PCDHGA5: variants seen among roughly 807,000 people sequenced by gnomAD.
PCDHGA5 encodes the protein protocadherin gamma subfamily A, 5.
PCDHGA5 carries 36 observed loss-of-function variants against 56.7 expected under a neutral mutation model. That is an observed-to-expected ratio of 0.64 (90% confidence interval 0.49 to 0.84). The LOEUF (loss-of-function observed/expected upper bound fraction) is 0.84, where lower values mean the gene tolerates loss of function less well. Ranked by LOEUF, PCDHGA5 falls within the 40% of genes least tolerant of loss-of-function variation. The pLI is 0.00. For synonymous variants in PCDHGA5, 563 were observed against 520.2 expected, an observed-to-expected ratio of 1.08 and a Z score of -1.12; for missense variants, 1,305 against 1,201.5, an observed-to-expected ratio of 1.09 and a Z score of -1.27.
intron 1 of PCDHGA5, chr5:141,370,699 G>A (rs1767129462): frequency 6.2e-7 from 1 of 1,613,804 alleles, no homozygotes; most frequent in Non-Finnish European, 8.5e-7. Context: ...AAGTCGACGT[G>A]TGTTCTGGAA....
At position 141,450,006 on chromosome 5, in the gene PCDHGA5, C is replaced by CTAT. The variant is rs70988802; in HGVS notation, c.2422-44800_2422-44799insATT. ...CACATTGCATTTAGTTGCCATGTCT[C>CTAT]TTTTTTTTTTTTTTTTTTGAGACAG... On this transcript the variant is annotated intron_variant, in intron 1 of 3. Transcript: ENST00000518069. Among the ~76,000 whole-genome samples the CTAT allele has an allele frequency of 2.5e-4, 33 of 132,964 alleles. 6 individuals are homozygous for CTAT. Among genetic ancestry groups the CTAT allele is most frequent in the Non-Finnish European group, 2.9e-4 (18 of 62,916 alleles). The allele number at this position is 132,964 out of a possible 152,430, so 87.2% of individuals were successfully genotyped here. A position where few individuals can be genotyped will look rare whatever the true frequency, so the allele number is the denominator to read the frequency against.
intron 1 of PCDHGA5, among the ~76,000 whole-genome samples, chr5:141,494,328 G>T (rs1595238527): frequency 6.6e-6 from 1 of 152,200 alleles, no homozygotes; most frequent in Non-Finnish European, 1.5e-5. Flanking sequence ...CACCAAAAGG[G>T]TTACCAAGAA....
Position 141,443,030 on chromosome 5 carries a change from C to A in PCDHGA5, c.2422-51777C>A, listed in dbSNP as rs147317486. ...ATATGACTAATGGAAGTTGCCAGAC[C>A]TAAACTTTGAAAATTATTGTTCCAC... On this transcript the variant is annotated intron_variant, in intron 1 of 3. Transcript: ENST00000518069. Among the ~76,000 whole-genome samples, 31 of 152,290 alleles carry A rather than the reference C, an allele frequency of 2.0e-4. No individual in the cohort carries two copies. The East Asian group carries it at 3.5e-3, about 17-fold the overall frequency.
Position 141,375,274 on chromosome 5 carries a change from A to C in PCDHGA5, c.2421+8523A>C, listed in dbSNP as rs773661979. On this transcript the variant is annotated intron_variant, in intron 1 of 3. Transcript: ENST00000518069. ...GTCTCCCATTTGAATTGGAAAAATC[A>C]GTTGGCAATTATTATCGATTAGTGA... 9 of 1,613,898 alleles carry C rather than the reference A, an allele frequency of 5.6e-6. No individual in the cohort carries two copies. In the East Asian group the frequency reaches 2.0e-4, roughly 36 times the overall value.
intron 2 of PCDHGA5, among the ~76,000 whole-genome samples, chr5:141,500,189 TTTATTTATTTA>T (rs1562193895): frequency 9.9e-5 from 11 of 110,956 alleles, no homozygotes; most frequent in Middle Eastern, 4.3e-3. Flanking sequence ...TTTATTTTTA[TTTATTTATTTA>T]TTTATTTATT....
intron 1 of PCDHGA5, chr5:141,413,972 T>G: frequency 6.2e-7 from 1 of 1,613,420 alleles, no homozygotes; most frequent in Non-Finnish European, 8.5e-7. Context: ...ACTCAGCTGC[T>G]GACAGTCACA....
rs376415955 is a variant in PCDHGA5, at chr5:141,432,082, C to T, written c.2422-62725C>T. ...CCACGGAAACTCATATCTCGCTGAACGTGGCAGACACCAACGACAACCCGC... is the reference window on the plus strand; with the variant it reads ...CCACGGAAACTCATATCTCGCTGAATGTGGCAGACACCAACGACAACCCGC... On this transcript the variant is annotated intron_variant, in intron 1 of 3. Transcript: ENST00000518069. This position sits in a 1 kb window ranked among gnomAD's most constrained non-coding sequence, Gnocchi z 6.0. The T allele has an allele frequency of 3.1e-6, 5 of 1,614,184 alleles. No homozygotes were observed. Among genetic ancestry groups the T allele is most frequent in the Non-Finnish European group, 4.2e-6 (5 of 1,180,028 alleles).
chr5:141,422,275 A>G (rs367711513), intron 1 of PCDHGA5: 6 of 1,560,374 alleles, frequency 3.8e-6, no homozygotes, highest in East Asian at 2.2e-5. Flanking sequence ...AGAAATAACT[A>G]TCACCTCTTC....
At chr5:141,435,863 C>T (rs772361494) in intron 1 of PCDHGA5, among the ~76,000 whole-genome samples, 16 of 151,882 alleles carry the variant, frequency 1.1e-4, no homozygotes, top group Non-Finnish European at 2.2e-4. Context: ...TAGTTAAAAC[C>T]CAGAAAAGAG....
chr5:141,407,981 C>G, intron 1 of PCDHGA5: 4 of 770,010 alleles, frequency 5.2e-6, no homozygotes, highest in Non-Finnish European at 7.8e-6. Flanking sequence ...GCCGGGGATC[C>G]GTCAGCCTCT....
At chr5:141,460,034 C>T (rs1463167810) in intron 1 of PCDHGA5, among the ~76,000 whole-genome samples, 1 of 152,116 alleles carries the variant, frequency 6.6e-6, no homozygotes, top group African/African-American at 2.4e-5. Context: ...GCCGAGACTG[C>T]ACCACTGCAC....
intron 1 of PCDHGA5, among the ~76,000 whole-genome samples, chr5:141,462,993 T>A (rs1350208420): frequency 1.3e-5 from 2 of 152,164 alleles, no homozygotes; most frequent in African/African-American, 4.8e-5. Flanking sequence ...TTGGGCTAAT[T>A]TAGACCTACC....
intron 1 of PCDHGA5, chr5:141,383,722 G>C (rs752091789): frequency 1.2e-6 from 2 of 1,613,934 alleles, no homozygotes; most frequent in East Asian, 4.5e-5. Flanking sequence ...GGGAGTCAAT[G>C]GGGAAGTGAC....
rs1485520054 is a variant in PCDHGA5 at position 141,511,210 on chromosome 5, C to T, written c.*37C>T. 6.2e-7 allele frequency: 1 copy of T among 1,609,328 alleles called. No individual in the cohort carries two copies. The highest frequency in any genetic ancestry group is 1.3e-5 in the African/African-American group (1 of 74,896). ...GGCCAAGAGCCACAGGGCGGCCTCT[C>T]CCCAACCAGCCCAGCTTCTCCTTAC... On this transcript the variant is annotated 3_prime_UTR_variant, in exon 4 of 4. Transcript: ENST00000518069.
intron 1 of PCDHGA5, chr5:141,419,144 A>G: frequency 6.2e-7 from 1 of 1,613,940 alleles, no homozygotes; most frequent in South Asian, 1.1e-5. Context: ...AGACAGGGGC[A>G]AGCCTCCGTT....
At chr5:141,408,962 A>G (rs1561716536) in intron 1 of PCDHGA5, 3 of 1,613,638 alleles carry the variant, frequency 1.9e-6, no homozygotes, top group Admixed American at 3.3e-5. Flanking sequence ...TCTTAGTGAA[A>G]ATCTGCCCCC....
At chr5:141,382,430 T>A (rs984775517) in intron 1 of PCDHGA5, among the ~76,000 whole-genome samples, 10 of 152,106 alleles carry the variant, frequency 6.6e-5, no homozygotes, top group African/African-American at 2.4e-4. Context: ...CCCAAAAGAG[T>A]CACTTGAAAG....
At chr5:141,421,789 G>A (rs756677817) in intron 1 of PCDHGA5, 5 of 1,613,830 alleles carry the variant, frequency 3.1e-6, no homozygotes, top group East Asian at 2.2e-5. Context: ...GGGCAGAACG[G>A]ATGGGGCCAA....
At chr5:141,408,479 G>A in intron 1 of PCDHGA5, 1 of 1,614,074 alleles carries the variant, frequency 6.2e-7, no homozygotes, top group Non-Finnish European at 8.5e-7. Flanking sequence ...AATAGACCGT[G>A]AGCAAATATG....
Sources: gnomAD v4.1 joint callset for allele counts (sites outside exome capture counted in the v4.1 genomes callset) on GRCh38, gnomAD v4.1.1 for gene constraint, Gnocchi (gnomAD v3.1) non-coding constraint, MANE v1.5 for transcripts, NCBI Gene and HGNC (gene_info 2026-07-23, HGNC 2026-07-21) for gene names.